Variants in RASGEF1C observed in about 807,000 individuals in gnomAD.
RASGEF1C encodes the protein ras-GEF domain-containing family member 1C.
A neutral mutation model predicts 58.1 loss-of-function variants in RASGEF1C; 27 were observed. The observed-to-expected ratio is 0.46, with a 90% CI of 0.34 to 0.64. The LOEUF is 0.64. RASGEF1C is among the 30% of genes least tolerant of loss of function. RASGEF1C has a pLI of 0.01. For missense variants in RASGEF1C, 502 were observed against 605.1 expected (o/e 0.83, Z 1.79); for synonymous variants, 243 against 246.3 (o/e 0.99, Z 0.13).
In RASGEF1C at chr5:180,185,876, T is replaced by C. The variant is rs558995334; in HGVS notation, c.-7+23152A>G. ...ACTTTGGGAGGCTAAGGCAGGCACATAACTTGAGTCCAGCAGCTCAAGACC... is the reference window on the plus strand; with the variant it reads ...ACTTTGGGAGGCTAAGGCAGGCACACAACTTGAGTCCAGCAGCTCAAGACC... On this transcript the variant is annotated intron_variant, in intron 1 of 13. Coordinates refer to ENST00000361132, the MANE Select transcript of RASGEF1C (RefSeq NM_175062.4). 3.3e-5 allele frequency among the ~76,000 whole-genome samples: 5 copies of C among 152,060 alleles called. No homozygotes were observed. The South Asian group carries it at 8.3e-4, about 25-fold the overall frequency.
intron 1 of RASGEF1C, among the ~76,000 whole-genome samples, chr5:180,182,159 C>G (rs190836357): frequency 1.5e-5 from 2 of 134,392 alleles, no homozygotes; most frequent in African/African-American, 2.9e-5. Flanking sequence ...GAGTCGAGAT[C>G]GCGCCACTGA....
intron 1 of RASGEF1C, among the ~76,000 whole-genome samples, chr5:180,193,696 G>T (rs1756209364): frequency 6.6e-6 from 1 of 152,242 alleles, no homozygotes; most frequent in Non-Finnish European, 1.5e-5. Context: ...GTGGGACGTG[G>T]ATCTTTCCAG....
At chr5:180,165,043 T>C (rs529352939) in intron 1 of RASGEF1C, among the ~76,000 whole-genome samples, 2 of 152,340 alleles carry the variant, frequency 1.3e-5, no homozygotes, top group East Asian at 1.9e-4. Context: ...TAATTCTCTT[T>C]GCTTTAAACT....
intron 12 of RASGEF1C, among the ~76,000 whole-genome samples, 191 bp downstream of exon 12, chr5:180,111,265 GC>G (rs553049400): frequency 9.6e-4 from 146 of 152,248 alleles, no homozygotes; most frequent in African/African-American, 3.4e-3. Context: ...ACCTCCTCAG[GC>G]CCATCCTGTA....
chr5:180,119,303 G>A, intron 8 of RASGEF1C, 43 bp downstream of exon 8: 1 of 1,517,694 alleles, frequency 6.6e-7, no homozygotes, highest in Non-Finnish European at 9.1e-7. Context: ...GCCTCTCGGG[G>A]GACCCGTGCA....
chr5:180,150,019 T>C (rs1224463513), intron 1 of RASGEF1C, among the ~76,000 whole-genome samples: 1 of 152,252 alleles, frequency 6.6e-6, no homozygotes, highest in Non-Finnish European at 1.5e-5. Context: ...TATGTTGGTC[T>C]GCTTTATGGT....
rs926127304 is a variant in RASGEF1C at position 180,137,513 on chromosome 5, G to A, written c.300+77C>T. 8 of 1,550,576 alleles carry A rather than the reference G, an allele frequency of 5.2e-6. No individual in the cohort carries two copies. The highest frequency in any genetic ancestry group is 4.8e-5 in the East Asian group (2 of 41,652). ...AAACGGGGACAATCATTGCCTCCCC[G>A]AGAGGCTGATGCGTTGAGGGCATGG... On this transcript the variant is annotated intron_variant, in intron 3 of 13. Coordinates refer to ENST00000361132, the MANE Select transcript of RASGEF1C (RefSeq NM_175062.4). This position sits in a 1 kb window ranked among gnomAD's most constrained non-coding sequence, Gnocchi z 4.1.
chr5:180,173,912 A>AAAT (rs1554114646), intron 1 of RASGEF1C, among the ~76,000 whole-genome samples: 2 of 145,952 alleles, frequency 1.4e-5, no homozygotes, highest in Admixed American at 6.8e-5. Context: ...GACTGTCTCA[A>AAAT]AACAACCACC....
chr5:180,180,836 G>A (rs1767312726), intron 1 of RASGEF1C, among the ~76,000 whole-genome samples: 1 of 152,218 alleles, frequency 6.6e-6, no homozygotes, highest in Non-Finnish European at 1.5e-5. Flanking sequence ...AGATTGAGAA[G>A]CAGAACATTT....
chr5:180,139,548 G>C (rs758210121), intron 1 of RASGEF1C, among the ~76,000 whole-genome samples: 5 of 152,226 alleles, frequency 3.3e-5, no homozygotes, highest in Non-Finnish European at 7.3e-5. Flanking sequence ...TTACAGCATG[G>C]GAAGGGCTCA....
chr5:180,166,081 T>C (rs1468216565), intron 1 of RASGEF1C, among the ~76,000 whole-genome samples: 1 of 152,120 alleles, frequency 6.6e-6, no homozygotes, highest in Non-Finnish European at 1.5e-5. Context: ...AGTTTTTTCA[T>C]GGTTTGCACT....
rs1025655424 is a variant in RASGEF1C, at chr5:180,155,463, G to A, written c.-6-17405C>T. Among the ~76,000 whole-genome samples the A allele has an allele frequency of 5.3e-5, 8 of 152,112 alleles. No individual in the cohort carries two copies. Among genetic ancestry groups the A allele is most frequent in the Non-Finnish European group, 1.0e-4 (7 of 68,016 alleles). On this transcript the variant is annotated intron_variant, in intron 1 of 13. Transcript: ENST00000361132. The surrounding 1 kb of genome is among the most constrained non-coding windows in gnomAD (Gnocchi z 5.2). ...GGCCTTGCCTTCAGGAGGGCAACGC[G>A]CTTGGCTGTGAGGGGAGGATTGGCC...
In RASGEF1C at chr5:180,177,879, G is replaced by C. The variant is rs907903991; in HGVS notation, c.-7+31149C>G. Among the ~76,000 whole-genome samples, 3 of 152,154 alleles carry C rather than the reference G, an allele frequency of 2.0e-5. No homozygotes were observed. Among genetic ancestry groups the C allele is most frequent in the African/African-American group, 7.2e-5 (3 of 41,446 alleles). ...AGCTGGTGGGGGCTTTCTTGTGAAA[G>C]GGGCCCACATGGAGGAAACGGAGCC... On this transcript the variant is annotated intron_variant, in intron 1 of 13. Coordinates refer to ENST00000361132, the MANE Select transcript of RASGEF1C (RefSeq NM_175062.4). This position sits in a 1 kb window ranked among gnomAD's most constrained non-coding sequence, Gnocchi z 5.0.
intron 1 of RASGEF1C, among the ~76,000 whole-genome samples, chr5:180,180,548 G>A (rs1767308449): frequency 6.6e-6 from 1 of 152,228 alleles, no homozygotes; most frequent in Non-Finnish European, 1.5e-5. Context: ...CATTGCTCCT[G>A]AGTCCCAGGT....
intron 6 of RASGEF1C, 106 bp from the exon 7 acceptor site, chr5:180,121,255 C>T (rs1766162900): frequency 1.3e-6 from 1 of 742,628 alleles, no homozygotes; most frequent in Non-Finnish European, 2.4e-6. Flanking sequence ...AATGTTAAAA[C>T]CCCCAAACCA....
chr5:180,113,209 C>T (rs796197004), intron 11 of RASGEF1C, among the ~76,000 whole-genome samples: 1,239 of 55,434 alleles, frequency 0.022, 115 homozygotes, highest in Non-Finnish European at 0.03. Context: ...GACAGAGGGA[C>T]CGGGGATGGA....
chr5:180,174,699 G>A (rs1170613576), intron 1 of RASGEF1C, among the ~76,000 whole-genome samples: 2 of 152,148 alleles, frequency 1.3e-5, no homozygotes, highest in Non-Finnish European at 2.9e-5. Context: ...ATGGAATCCT[G>A]GGTGCAGGCC....
At chr5:180,150,790 A>G (rs1413116917) in intron 1 of RASGEF1C, among the ~76,000 whole-genome samples, 1 of 152,192 alleles carries the variant, frequency 6.6e-6, no homozygotes, top group Non-Finnish European at 1.5e-5. Context: ...GTGTTTGCAG[A>G]TGACATGATT....
intron 1 of RASGEF1C, among the ~76,000 whole-genome samples, chr5:180,148,388 T>G (rs538676943): frequency 0.12 from 345 of 2,910 alleles, 2 homozygotes; most frequent in Admixed American, 0.37. Context: ...CATTTTGCTG[T>G]TTTTTTTTTT....
Sources: gnomAD v4.1 joint callset for allele counts (sites outside exome capture counted in the v4.1 genomes callset) on GRCh38, gnomAD v4.1.1 for gene constraint, Gnocchi (gnomAD v3.1) non-coding constraint, MANE v1.5 for transcripts, NCBI Gene and HGNC (gene_info 2026-07-23, HGNC 2026-07-21) for gene names.